RAP1GAP2: variants seen among roughly 807,000 people sequenced by gnomAD.
The protein encoded by RAP1GAP2 is RAP1 GTPase activating protein 2.
Under a neutral mutation model 95.0 loss-of-function variants are expected in RAP1GAP2, and 27 were observed. The ratio of observed to expected loss-of-function variants is 0.28; its 90% confidence interval spans 0.21 to 0.39. RAP1GAP2 has a LOEUF of 0.39. RAP1GAP2 is among the 10% of genes least tolerant of loss of function. RAP1GAP2 has a pLI of 1.00. For missense variants in RAP1GAP2, 771 were observed against 970.0 expected (o/e 0.79, Z 2.72); for synonymous variants, 373 against 380.9 (o/e 0.98, Z 0.24).
chr17:2,956,210 C>T (rs775632727), intron 3 of RAP1GAP2, among the ~76,000 whole-genome samples: 3 of 152,214 alleles, frequency 2.0e-5, no homozygotes, highest in African/African-American at 4.8e-5. Flanking sequence ...GGATGTTTGG[C>T]GGCTCACTTC....
chr17:2,840,984 T>C (rs8072438), intron 2 of RAP1GAP2, among the ~76,000 whole-genome samples: 118,883 of 149,956 alleles, frequency 0.79, 47,597 homozygotes, highest in African/African-American at 0.94. Context: ...GGTGACAGGG[T>C]GAGACCCTGT....
rs1361137596 is a variant in RAP1GAP2 at position 2,817,747 on chromosome 17, C to T, written c.80+17197C>T. ...TGTTGGCTAGGCTGGTCTTGAACTC[C>T]TGACCTCAGGCAATCCAACTGCCTC... On this transcript the variant is annotated intron_variant, in intron 2 of 24. Transcript: ENST00000254695. 3.3e-5 allele frequency among the ~76,000 whole-genome samples: 4 copies of T among 121,314 alleles called. 1 individual carries two copies. The highest frequency in any genetic ancestry group is 8.0e-5 in the Admixed American group (1 of 12,570). 79.6% of individuals were successfully genotyped at this position (121,314 alleles called of 152,430 possible).
rs956702680 is a variant in RAP1GAP2 at position 2,866,550 on chromosome 17, A to G, written c.81-38734A>G. ...GGCCTTTGTGTTGGTGAGGCAGTAG[A>G]TAATACCCCCAAATGTCCCTTCTGA... On this transcript the variant is annotated intron_variant, in intron 2 of 24. Transcript: ENST00000254695. This position sits in a 1 kb window ranked among gnomAD's most constrained non-coding sequence, Gnocchi z 4.0. Among the ~76,000 whole-genome samples, 2 of 152,328 alleles carry G rather than the reference A, an allele frequency of 1.3e-5. No homozygotes were observed. Among genetic ancestry groups the G allele is most frequent in the East Asian group, 1.9e-4 (1 of 5,190 alleles).
intron 2 of RAP1GAP2, among the ~76,000 whole-genome samples, chr17:2,833,992 C>T (rs1023353535): frequency 6.6e-6 from 1 of 152,144 alleles, no homozygotes. Flanking sequence ...TACCCTCCGC[C>T]CAGAGAAGCA....
rs543945739 is a variant in RAP1GAP2 at position 3,029,407 on chromosome 17, C to T, written c.2108-1515C>T. Among the ~76,000 whole-genome samples the T allele has an allele frequency of 5.9e-5, 9 of 152,184 alleles. No homozygotes were observed. In the South Asian group the frequency reaches 1.5e-3, roughly 25 times the overall value. On this transcript the variant is annotated intron_variant, in intron 22 of 24. Transcript: ENST00000254695. The surrounding 1 kb of genome is among the most constrained non-coding windows in gnomAD (Gnocchi z 4.4). ...TGGGCTGCTTTTCACCCCCAGCCCA[C>T]GAAAGATGTGCTTGGTACCCACTGG...
In RAP1GAP2 at chr17:3,027,359, T is replaced by A. The variant is rs2047158378; in HGVS notation, c.2107+289T>A. The stretch of plus-strand genomic sequence containing the variant: ...TTGGCAGTGGGAAAGCTGAGCACTT[T>A]CCATTAGCCCTTCTCCCCACCTGCC... On this transcript the variant is annotated intron_variant, in intron 22 of 24. Transcript: ENST00000254695. This position sits in a 1 kb window ranked among gnomAD's most constrained non-coding sequence, Gnocchi z 5.2. 6.6e-6 allele frequency among the ~76,000 whole-genome samples: 1 copy of A among 152,136 alleles called. No individual in the cohort carries two copies. The highest frequency in any genetic ancestry group is 1.5e-5 in the Non-Finnish European group (1 of 68,016).
intron 12 of RAP1GAP2, 103 bp downstream of exon 12, chr17:2,991,500 C>A: frequency 3.5e-6 from 3 of 866,052 alleles, no homozygotes; most frequent in Non-Finnish European, 5.5e-6. Flanking sequence ...TAAAAACACA[C>A]AAGAAATGAG....
rs184949649 is a variant in RAP1GAP2, at chr17:3,018,217, C to T, written c.1632+19C>T. On this transcript the variant is annotated intron_variant, in intron 18 of 24. Coordinates refer to ENST00000254695, the MANE Select transcript of RAP1GAP2 (RefSeq NM_015085.5). ...CTTCTCGGTGAGTGCTGGCAGGCCC[C>T]GGGGCGGCAAGTGGGTCCCAGGGAG... 4,340 of 1,545,354 alleles carry T rather than the reference C, an allele frequency of 2.8e-3. 9 individuals carry two copies. The highest frequency in any genetic ancestry group is 3.5e-3 in the Non-Finnish European group (3,988 of 1,147,172).
intron 3 of RAP1GAP2, among the ~76,000 whole-genome samples, chr17:2,911,579 G>A (rs1032223038): frequency 4.6e-5 from 7 of 151,896 alleles, no homozygotes; most frequent in Non-Finnish European, 8.8e-5. Flanking sequence ...GCCGTCTACA[G>A]GGGCCCTGAC....
At position 2,827,409 on chromosome 17, in the gene RAP1GAP2, C is replaced by G. The variant is rs2070618579; in HGVS notation, c.80+26859C>G. Among the ~76,000 whole-genome samples, 1 of 152,098 alleles carries G rather than the reference C, an allele frequency of 6.6e-6. No homozygotes were observed. Among genetic ancestry groups the G allele is most frequent in the Admixed American group, 6.6e-5 (1 of 15,260 alleles). ...AGAACGCAGATGGTTTCAGACAGTG[C>G]CCAGTCCTGCGAAGGAAATAGAACA... On this transcript the variant is annotated intron_variant, in intron 2 of 24. Coordinates refer to ENST00000254695, the MANE Select transcript of RAP1GAP2 (RefSeq NM_015085.5). This position sits in a 1 kb window ranked among gnomAD's most constrained non-coding sequence, Gnocchi z 4.1.
intron 2 of RAP1GAP2, among the ~76,000 whole-genome samples, chr17:2,845,980 G>T (rs892052589): frequency 1.3e-5 from 2 of 151,894 alleles, no homozygotes; most frequent in Admixed American, 6.6e-5. Flanking sequence ...TGAGGAATTC[G>T]AGACCAGCTG....
At position 3,029,090 on chromosome 17, in the gene RAP1GAP2, G is replaced by A. The variant is rs943593469; in HGVS notation, c.2108-1832G>A. 1.3e-5 allele frequency among the ~76,000 whole-genome samples: 2 copies of A among 152,158 alleles called. No homozygotes were observed. The highest frequency in any genetic ancestry group is 4.8e-5 in the African/African-American group (2 of 41,434). On this transcript the variant is annotated intron_variant, in intron 22 of 24. Coordinates refer to ENST00000254695, the MANE Select transcript of RAP1GAP2 (RefSeq NM_015085.5). The surrounding 1 kb of genome is among the most constrained non-coding windows in gnomAD (Gnocchi z 4.4). ...TGGGATTACAGGCGTGAGCCACCGC[G>A]CCTGACCTGGTGTTTTTGTTTTGTT...
intron 1 of RAP1GAP2, among the ~76,000 whole-genome samples, chr17:2,761,331 C>T (rs1452291047): frequency 6.7e-6 from 1 of 149,714 alleles, no homozygotes; most frequent in African/African-American, 2.5e-5. Flanking sequence ...TCTTGTTGCC[C>T]AGGCTGGAGT....
chr17:2,791,021 A>G (rs1358153276), intron 1 of RAP1GAP2, among the ~76,000 whole-genome samples: 1 of 152,220 alleles, frequency 6.6e-6, no homozygotes, highest in African/African-American at 2.4e-5. Context: ...CCAGGCCAAC[A>G]TGGCAAAACC....
chr17:2,824,379 G>A (rs1171854249), intron 2 of RAP1GAP2, among the ~76,000 whole-genome samples: 5 of 149,918 alleles, frequency 3.3e-5, no homozygotes, highest in Admixed American at 1.3e-4. Context: ...CCCGGGAGGC[G>A]GAGGTTTCAG....
At chr17:2,782,741 C>T (rs968386051) in intron 1 of RAP1GAP2, among the ~76,000 whole-genome samples, 2 of 152,150 alleles carry the variant, frequency 1.3e-5, no homozygotes, top group East Asian at 1.9e-4. Context: ...CCTGGCCAGG[C>T]GCGGTGGCCC....
At chr17:3,018,940 G>A (rs1226363993) in intron 18 of RAP1GAP2, among the ~76,000 whole-genome samples, 1 of 152,176 alleles carries the variant, frequency 6.6e-6, no homozygotes, top group Non-Finnish European at 1.5e-5. Context: ...GCGGGTGCCT[G>A]TAATCCCAGC....
At chr17:2,764,512 G>T (rs1478179666) in intron 1 of RAP1GAP2, among the ~76,000 whole-genome samples, 3 of 152,064 alleles carry the variant, frequency 2.0e-5, no homozygotes, top group African/African-American at 7.2e-5. Flanking sequence ...CATGAGGTCA[G>T]GGGTTTGAGA....
chr17:2,991,199 A>G, intron 11 of RAP1GAP2, 98 bp from the exon 12 acceptor site: 2 of 966,070 alleles, frequency 2.1e-6, no homozygotes, highest in East Asian at 5.3e-5. Context: ...ACAGGGAGAA[A>G]GGAAGAAAGG....
Sources: gnomAD v4.1 joint callset for allele counts (sites outside exome capture counted in the v4.1 genomes callset) on GRCh38, gnomAD v4.1.1 for gene constraint, Gnocchi (gnomAD v3.1) non-coding constraint, MANE v1.5 for transcripts, NCBI Gene and HGNC (gene_info 2026-07-23, HGNC 2026-07-21) for gene names.